CREB3L2: variants seen among roughly 807,000 people sequenced by gnomAD.
The protein encoded by CREB3L2 is cyclic AMP-responsive element-binding protein 3-like protein 2.
CREB3L2 carries 23 observed loss-of-function variants against 57.2 expected under a neutral mutation model. The observed-to-expected ratio is 0.40, with a 90% CI of 0.29 to 0.57. CREB3L2 has a LOEUF of 0.57. Among genes scored for constraint, CREB3L2 ranks in the 20% least tolerant of loss-of-function variants. The pLI, the probability that CREB3L2 is intolerant of heterozygous loss-of-function variation, is 0.42. For synonymous variants in CREB3L2, 268 were observed against 265.1 expected (o/e 1.01, Z -0.11); for missense variants, 628 against 634.7 (o/e 0.99, Z 0.11).
chr7:137,983,081 T>C (rs1207577458), intron 1 of CREB3L2, among the ~76,000 whole-genome samples: 3 of 152,200 alleles, frequency 2.0e-5, no homozygotes, highest in Admixed American at 6.5e-5. Flanking sequence ...CATTTTATTA[T>C]AGCAGCCTGA....
At chr7:137,944,118 A>T (rs1288677668) in intron 1 of CREB3L2, among the ~76,000 whole-genome samples, 1 of 152,196 alleles carries the variant, frequency 6.6e-6, no homozygotes, top group Non-Finnish European at 1.5e-5. Flanking sequence ...GGTGTCTAAT[A>T]GGTTAAACCT....
intron 1 of CREB3L2, among the ~76,000 whole-genome samples, chr7:137,958,502 C>CA (rs575260981): frequency 2.0e-5 from 3 of 148,788 alleles, no homozygotes; most frequent in Admixed American, 6.7e-5. Context: ...CCTGCCTGTT[C>CA]AAAAAAAAAG....
chr7:137,986,570 G>A lies in CREB3L2; in HGVS notation c.102+15034C>T, dbSNP rs192053577. Among the ~76,000 whole-genome samples, 105 of 152,356 alleles carry A rather than the reference G, an allele frequency of 6.9e-4. 1 individual carries two copies. Among genetic ancestry groups the A allele is most frequent in the African/African-American group, 2.4e-3 (99 of 41,588 alleles). On this transcript the variant is annotated intron_variant, in intron 1 of 11. Transcript: ENST00000330387. ...AGAAATCATTTGCCAGTGGTGATAA[G>A]GGCTATGAAGTTGTGCTGACCGCAA...
chr7:137,998,727 T>C (rs1021086600), intron 1 of CREB3L2, among the ~76,000 whole-genome samples: 1 of 152,234 alleles, frequency 6.6e-6, no homozygotes, highest in Non-Finnish European at 1.5e-5. Flanking sequence ...CTAGACACAA[T>C]GTCTTTCAGC....
intron 1 of CREB3L2, among the ~76,000 whole-genome samples, chr7:137,972,713 A>AAAT (rs1801533598): frequency 3.0e-5 from 1 of 32,932 alleles, no homozygotes; most frequent in African/African-American, 1.3e-4. Context: ...AAAAAAAAAA[A>AAAT]TATATATATA....
chr7:137,966,773 C>T (rs1173843110), intron 1 of CREB3L2, among the ~76,000 whole-genome samples: 1 of 152,176 alleles, frequency 6.6e-6, no homozygotes, highest in Non-Finnish European at 1.5e-5. Context: ...CTTCTGAATC[C>T]TTGTCTCTGC....
chr7:137,963,283 TAGTC>T (rs1328125249), intron 1 of CREB3L2, among the ~76,000 whole-genome samples: 2 of 152,240 alleles, frequency 1.3e-5, no homozygotes, highest in East Asian at 3.8e-4. Context: ...TGTTCCCACT[TAGTC>T]AGCACTGCTT....
At chr7:137,914,216 A>G (rs1800077316) in intron 3 of CREB3L2, among the ~76,000 whole-genome samples, 1 of 151,738 alleles carries the variant, frequency 6.6e-6, no homozygotes, top group South Asian at 2.1e-4. Flanking sequence ...GTTATTATTA[A>G]GGCTTCCTAA....
At chr7:137,945,614 T>C (rs1256781507) in intron 1 of CREB3L2, among the ~76,000 whole-genome samples, 1 of 152,238 alleles carries the variant, frequency 6.6e-6, no homozygotes, top group African/African-American at 2.4e-5. Flanking sequence ...AGATCCTTTT[T>C]CCTCTGACAC....
chr7:137,968,433 T>G (rs1336867071), intron 1 of CREB3L2, among the ~76,000 whole-genome samples: 2 of 151,756 alleles, frequency 1.3e-5, no homozygotes, highest in African/African-American at 2.4e-5. Flanking sequence ...AACGTTCAAC[T>G]CCCACTTACG....
intron 1 of CREB3L2, among the ~76,000 whole-genome samples, chr7:137,957,328 AT>A (rs1014624641): frequency 3.3e-5 from 5 of 152,174 alleles, no homozygotes; most frequent in East Asian, 1.9e-4. Flanking sequence ...TACTTTCTGC[AT>A]TTTTTTTAAA....
intron 1 of CREB3L2, among the ~76,000 whole-genome samples, chr7:137,964,554 A>C (rs1801378596): frequency 6.6e-6 from 1 of 152,226 alleles, no homozygotes. Flanking sequence ...CAGATCATTC[A>C]GTTAAAGGCT....
At chr7:137,955,242 C>T in intron 1 of CREB3L2, 1 of 1,282,054 alleles carries the variant, frequency 7.8e-7, no homozygotes, top group Non-Finnish European at 1.0e-6. Flanking sequence ...AGAATCCATC[C>T]AACAGGTATA....
chr7:137,886,014 T>C (rs752459102), intron 8 of CREB3L2, among the ~76,000 whole-genome samples: 5 of 152,142 alleles, frequency 3.3e-5, no homozygotes, highest in Non-Finnish European at 7.4e-5. Flanking sequence ...TCCCTTCCAC[T>C]ATGAGAGGAC....
chr7:138,000,390 C>T (rs998296671), intron 1 of CREB3L2, among the ~76,000 whole-genome samples: 15 of 152,216 alleles, frequency 9.9e-5, no homozygotes, highest in African/African-American at 3.6e-4. Context: ...CCCAGAAGAT[C>T]ACACTGAACA....
intron 1 of CREB3L2, among the ~76,000 whole-genome samples, chr7:137,935,366 T>C (rs1800757265): frequency 6.6e-6 from 1 of 152,198 alleles, no homozygotes; most frequent in African/African-American, 2.4e-5. Flanking sequence ...TATGCTTTCA[T>C]TTTCATCTTT....
At chr7:137,925,672 C>T (rs188458162) in intron 2 of CREB3L2, among the ~76,000 whole-genome samples, 9 of 152,194 alleles carry the variant, frequency 5.9e-5, no homozygotes, top group Admixed American at 5.9e-4. Context: ...AATTCTGTTC[C>T]CAAACATCTG....
intron 1 of CREB3L2, among the ~76,000 whole-genome samples, chr7:137,979,701 G>C (rs1801678697): frequency 1.3e-5 from 2 of 150,916 alleles, no homozygotes; most frequent in South Asian, 4.2e-4. Context: ...ACTCCAGCCT[G>C]GGCAACAGAT....
chr7:137,927,360 AAG>A (rs1207025764), intron 2 of CREB3L2, among the ~76,000 whole-genome samples: 1 of 147,038 alleles, frequency 6.8e-6, no homozygotes, highest in East Asian at 2.0e-4. Flanking sequence ...GAGAGAGAAA[AAG>A]AAGAAAGAAA....
Sources: allele counts gnomAD v4.1 joint callset (sites outside exome capture counted in the v4.1 genomes callset), GRCh38; gene constraint gnomAD v4.1.1; transcripts MANE v1.5; gene names NCBI Gene and HGNC (gene_info 2026-07-23, HGNC 2026-07-21).